The following C1GALT1 variants were observed in gnomAD, a reference collection of about 807,000 sequenced individuals.
The protein encoded by C1GALT1 is glycoprotein-N-acetylgalactosamine 3-beta-galactosyltransferase 1.
In C1GALT1, 11 loss-of-function variants were observed where a neutral mutation model predicts 31.0. That is an observed-to-expected ratio of 0.36 (90% CI 0.22 to 0.59). The LOEUF (loss-of-function observed/expected upper bound fraction) is 0.59, where lower values mean the gene tolerates loss of function less well. C1GALT1 is among the 20% of genes least tolerant of loss of function. The pLI is 0.79. For synonymous variants in C1GALT1, 175 were observed against 143.6 expected (o/e 1.22, Z -1.56); for missense variants, 424 against 425.2 (o/e 1.00, Z 0.03).
At chr7:7,182,846 G>C (rs1780643490) in intron 1 of C1GALT1, 26 bp downstream of exon 1, 1 of 985,470 alleles carries the variant, frequency 1.0e-6, no homozygotes, top group African/African-American at 1.7e-5. Context: ...GCGCCCTCAG[G>C]CTACGGGTCC....
intron 2 of C1GALT1, among the ~76,000 whole-genome samples, chr7:7,177,283 T>A (rs376611323): frequency 7.2e-5 from 11 of 152,210 alleles, no homozygotes; most frequent in African/African-American, 1.2e-4. Context: ...TTGTTAATAA[T>A]TGCCTCATCT....
At chr7:7,195,654 G>A (rs879395740) in intron 1 of C1GALT1, among the ~76,000 whole-genome samples, 2 of 142,042 alleles carry the variant, frequency 1.4e-5, no homozygotes, top group Admixed American at 1.4e-4. Flanking sequence ...TGTAGTTGTT[G>A]GTAAATGTTC....
chr7:7,230,603 C>T (rs1432375911), intron 1 of C1GALT1, among the ~76,000 whole-genome samples: 1 of 134,252 alleles, frequency 7.4e-6, no homozygotes, highest in Non-Finnish European at 1.6e-5. Flanking sequence ...TTCTATTTGT[C>T]TCATCTATTC....
At chr7:7,206,786 ATTGGCCTATGCCT>A (rs1313669867) in intron 1 of C1GALT1, among the ~76,000 whole-genome samples, 1 of 150,130 alleles carries the variant, frequency 6.7e-6, no homozygotes, top group African/African-American at 2.5e-5. Flanking sequence ...TCTTAATTAT[ATTGGCCTATGCCT>A]TCTGTCCTCC....
intron 1 of C1GALT1, among the ~76,000 whole-genome samples, chr7:7,222,516 A>C (rs1782555690): frequency 6.6e-6 from 1 of 152,130 alleles, no homozygotes; most frequent in Non-Finnish European, 1.5e-5. Context: ...TTTATGTTTA[A>C]TAGCTATTAT....
chr7:7,227,089 T>C (rs1172301664), intron 1 of C1GALT1, among the ~76,000 whole-genome samples: 2 of 152,204 alleles, frequency 1.3e-5, no homozygotes, highest in Non-Finnish European at 2.9e-5. Flanking sequence ...AGAGGGATCC[T>C]TTAGAGGATG....
chr7:7,162,821 G>C lies in C1GALT1; in HGVS notation c.-18+5395G>C, dbSNP rs552630882. Among the ~76,000 whole-genome samples, 644 of 152,294 alleles carry C rather than the reference G, an allele frequency of 4.2e-3. 4 individuals carry two copies. The highest frequency in any genetic ancestry group is 0.015 in the African/African-American group (605 of 41,550). On this transcript the variant is annotated intron_variant, in intron 2 of 3. Transcript: ENST00000429911. ...ATGATTGCCATTCTAACTGGTGTGA[G>C]ATGGTATCTCATTGTGGTTTTGATT...
intron 1 of C1GALT1, among the ~76,000 whole-genome samples, chr7:7,203,623 A>C (rs1039226574): frequency 5.9e-5 from 9 of 151,708 alleles, no homozygotes; most frequent in Non-Finnish European, 1.3e-4. Flanking sequence ...GAATTTTTAC[A>C]TCACTGTTAA....
At chr7:7,168,980 T>G (rs1198656002) in intron 2 of C1GALT1, among the ~76,000 whole-genome samples, 1 of 152,196 alleles carries the variant, frequency 6.6e-6, no homozygotes, top group Non-Finnish European at 1.5e-5. Flanking sequence ...TAATGAAGCT[T>G]TTCCAGCACC....
intron 1 of C1GALT1, among the ~76,000 whole-genome samples, chr7:7,199,717 G>A (rs1196621345): frequency 6.6e-6 from 1 of 152,090 alleles, no homozygotes. Context: ...TGTGAATCTG[G>A]GTGCTCTTGT....
chr7:7,186,218 C>T (rs965643859), intron 1 of C1GALT1, among the ~76,000 whole-genome samples: 3 of 152,130 alleles, frequency 2.0e-5, no homozygotes, highest in African/African-American at 4.8e-5. Context: ...AGGGCTGAAC[C>T]CTTAGTACCC....
rs1223408157 is a variant in C1GALT1, at chr7:7,246,345, C to A, written c.*2618C>A. On this transcript the variant is annotated 3_prime_UTR_variant, in exon 4 of 4. Transcript: ENST00000436587. The stretch of plus-strand genomic sequence containing the variant: ...GGGGCTATTCATGTAGCATTATTTC[C>A]ATTTTTATGTATATGATATATGACG... 6.6e-6 allele frequency: 1 copy of A among 152,110 alleles called. No individual in the cohort carries two copies. The highest frequency in any genetic ancestry group is 6.5e-5 in the Admixed American group (1 of 15,270). 9.4% of individuals were successfully genotyped at this position (152,110 alleles called of 1,614,324 possible). A position where few individuals can be genotyped will look rare whatever the true frequency, so the allele number is the denominator to read the frequency against.
chr7:7,183,176 A>G (rs12702588), intron 1 of C1GALT1, among the ~76,000 whole-genome samples: 73,097 of 151,150 alleles, frequency 0.48, 18,554 homozygotes, highest in East Asian at 0.94. Context: ...GTGCGCCCGG[A>G]CCGGACCACT....
intron 1 of C1GALT1, among the ~76,000 whole-genome samples, chr7:7,196,161 C>G (rs979000867): frequency 2.0e-5 from 3 of 152,088 alleles, no homozygotes; most frequent in Non-Finnish European, 2.9e-5. Context: ...TGTGCTGCAC[C>G]TGTTAACTCA....
At chr7:7,227,462 T>C (rs1472710849) in intron 1 of C1GALT1, among the ~76,000 whole-genome samples, 1 of 152,168 alleles carries the variant, frequency 6.6e-6, no homozygotes, top group African/African-American at 2.4e-5. Flanking sequence ...GGCTCACGCC[T>C]GTAATCCCAG....
At chr7:7,168,194 G>T (rs1355941775) in intron 2 of C1GALT1, among the ~76,000 whole-genome samples, 1 of 152,186 alleles carries the variant, frequency 6.6e-6, no homozygotes, top group African/African-American at 2.4e-5. Flanking sequence ...GACAGAAATT[G>T]GAAATTTAGA....
intron 1 of C1GALT1, among the ~76,000 whole-genome samples, chr7:7,212,618 A>C (rs7786560): frequency 0.71 from 107,215 of 151,960 alleles, 38,655 homozygotes; most frequent in East Asian, 0.94. Flanking sequence ...GGGCTGAGTC[A>C]GAGAAAGGAG....
intron 1 of C1GALT1, among the ~76,000 whole-genome samples, chr7:7,186,852 A>G (rs6950502): frequency 0.18 from 27,340 of 152,236 alleles, 2,985 homozygotes; most frequent in East Asian, 0.37. Context: ...ACTGGGGAGA[A>G]GAGATCAGAA....
intron 2 of C1GALT1, among the ~76,000 whole-genome samples, chr7:7,165,422 C>T (rs576199566): frequency 7.2e-5 from 11 of 151,916 alleles, no homozygotes; most frequent in Admixed American, 4.6e-4. Context: ...ATTTCAGTTA[C>T]GCTAAGGGAA....
Sources: allele counts gnomAD v4.1 joint callset (sites outside exome capture counted in the v4.1 genomes callset), GRCh38; gene constraint gnomAD v4.1.1; transcripts MANE v1.5; gene names NCBI Gene and HGNC (gene_info 2026-07-23, HGNC 2026-07-21).